Variants in PRTFDC1 observed in about 807,000 individuals in gnomAD.
PRTFDC1 encodes phosphoribosyl transferase domain containing 1.
PRTFDC1 carries 38 observed loss-of-function variants against 34.6 expected under a neutral mutation model. The observed-to-expected ratio is 1.10, with a 90% CI of 0.85 to 1.44. The LOEUF (loss-of-function observed/expected upper bound fraction) is 1.44. PRTFDC1 is among the 40% of genes most tolerant of loss of function. The probability of loss-of-function intolerance (pLI) is 0.00; values close to 1 mark genes in which losing one functional copy is unlikely to be tolerated. For missense variants in PRTFDC1, 270 were observed against 283.0 expected, an observed-to-expected ratio of 0.95 and a Z score of 0.33; for synonymous variants, 93 against 98.1, an observed-to-expected ratio of 0.95 and a Z score of 0.31.
chr10:24,931,943 A>C (rs935305493), intron 3 of PRTFDC1, among the ~76,000 whole-genome samples: 1 of 151,416 alleles, frequency 6.6e-6, no homozygotes, highest in Non-Finnish European at 1.5e-5. Flanking sequence ...CTATGGTTTA[A>C]TATCCTCCAA....
intron 3 of PRTFDC1, 102 bp downstream of exon 3, chr10:24,937,082 A>G: frequency 1.8e-6 from 2 of 1,106,882 alleles, no homozygotes; most frequent in Non-Finnish European, 2.5e-6. Context: ...TTTCATCTCC[A>G]TTTTTAAAAA....
At chr10:24,901,520 T>C (rs1848449663) in intron 3 of PRTFDC1, among the ~76,000 whole-genome samples, 1 of 151,990 alleles carries the variant, frequency 6.6e-6, no homozygotes, top group African/African-American at 2.4e-5. Context: ...AGTCCAGCAG[T>C]GTGAAACCAG....
At chr10:24,894,226 G>A (rs1215327778) in intron 3 of PRTFDC1, among the ~76,000 whole-genome samples, 1 of 151,720 alleles carries the variant, frequency 6.6e-6, no homozygotes, top group African/African-American at 2.4e-5. Context: ...AGCTACTCGG[G>A]AGACTGAGGC....
chr10:24,949,751 T>TA (rs58743711), intron 1 of PRTFDC1, among the ~76,000 whole-genome samples: 12,500 of 139,816 alleles, frequency 0.089, 690 homozygotes, highest in African/African-American at 0.15. Flanking sequence ...TTTTTTTTTT[T>TA]TTTTTAAGAA....
At chr10:24,894,951 G>A (rs1848325580) in intron 3 of PRTFDC1, among the ~76,000 whole-genome samples, 1 of 152,124 alleles carries the variant, frequency 6.6e-6, no homozygotes, top group Non-Finnish European at 1.5e-5. Flanking sequence ...AGGAAACCAG[G>A]TTAAACTCAA....
intron 2 of PRTFDC1, among the ~76,000 whole-genome samples, chr10:24,942,011 C>G (rs950298092): frequency 7.2e-5 from 11 of 152,170 alleles, no homozygotes; most frequent in African/African-American, 1.9e-4. Context: ...CACGGAACGT[C>G]CCCCCTCTGT....
chr10:24,952,161 A>T lies in PRTFDC1; in HGVS notation c.48+367T>A, dbSNP rs1411021472. Among the ~76,000 whole-genome samples, 2 of 152,194 alleles carry T rather than the reference A, an allele frequency of 1.3e-5. No homozygotes were observed. Among genetic ancestry groups the T allele is most frequent in the Non-Finnish European group, 2.9e-5 (2 of 68,036 alleles). ...AGGAGTCAAGAGGAGACCCAGGAAG[A>T]AGGAGGCCTCCAGAGCAGCACGCGG... On this transcript the variant is annotated intron_variant, in intron 1 of 8. Transcript: ENST00000320152. This position sits in a 1 kb window ranked among gnomAD's most constrained non-coding sequence, Gnocchi z 5.1.
At position 24,921,874 on chromosome 10, in the gene PRTFDC1, G is replaced by A. The variant is rs1056319754; in HGVS notation, c.339+15310C>T. On this transcript the variant is annotated intron_variant, in intron 3 of 8. Coordinates refer to ENST00000320152, the MANE Select transcript of PRTFDC1 (RefSeq NM_020200.7). ...CCTGAGTGATTAACAATAATGCTGT[G>A]TTTAATAATGGCAAACTCATGCAAG... Among the ~76,000 whole-genome samples, 7 of 152,264 alleles carry A rather than the reference G, an allele frequency of 4.6e-5. No homozygotes were observed. In the South Asian group the frequency reaches 1.5e-3, roughly 32 times the overall value.
chr10:24,888,232 A>T (rs966501879), intron 3 of PRTFDC1, among the ~76,000 whole-genome samples: 3 of 152,150 alleles, frequency 2.0e-5, no homozygotes, highest in African/African-American at 7.2e-5. Flanking sequence ...CTCCTTAAAG[A>T]TTCCTTAGTA....
At chr10:24,894,054 C>T (rs140017845) in intron 3 of PRTFDC1, among the ~76,000 whole-genome samples, 58 of 152,154 alleles carry the variant, frequency 3.8e-4, no homozygotes, top group African/African-American at 1.2e-3. Flanking sequence ...CTTCATTGGC[C>T]GGGCGCGGTG....
At chr10:24,909,918 A>C (rs1419126371) in intron 3 of PRTFDC1, among the ~76,000 whole-genome samples, 1 of 151,938 alleles carries the variant, frequency 6.6e-6, no homozygotes, top group Non-Finnish European at 1.5e-5. Flanking sequence ...TGGGAGGCCA[A>C]GGCGGGTGGA....
rs149380687 is a variant in PRTFDC1, at chr10:24,947,320, A to G, written c.49-4884T>C. ...TTTGCTAACTTCAATGGTGCATGCA[A>G]ATCGTGTTGTAAATAAATCAAAACC... On this transcript the variant is annotated intron_variant, in intron 1 of 8. Transcript: ENST00000320152. Among the ~76,000 whole-genome samples the G allele has an allele frequency of 9.0e-3, 1,372 of 152,348 alleles. 8 individuals are homozygous for G. The highest frequency in any genetic ancestry group is 0.013 in the Non-Finnish European group (914 of 68,024).
At chr10:24,925,329 G>A (rs911322531) in intron 3 of PRTFDC1, among the ~76,000 whole-genome samples, 6 of 152,076 alleles carry the variant, frequency 3.9e-5, no homozygotes, top group Non-Finnish European at 7.4e-5. Context: ...AGGGGGTGTC[G>A]GGGGCTGGCG....
At chr10:24,872,766 G>GTA (rs1270996264) in intron 3 of PRTFDC1, among the ~76,000 whole-genome samples, 14 of 108,158 alleles carry the variant, frequency 1.3e-4, no homozygotes, top group South Asian at 3.6e-4. Flanking sequence ...ACGTGTGTGT[G>GTA]TATATATATA....
chr10:24,948,985 A>G (rs754345299), intron 1 of PRTFDC1, among the ~76,000 whole-genome samples: 2 of 152,122 alleles, frequency 1.3e-5, no homozygotes, highest in Non-Finnish European at 2.9e-5. Context: ...GACCTGGGTG[A>G]TTTACTTAAT....
At chr10:24,926,877 C>T (rs1159717136) in intron 3 of PRTFDC1, among the ~76,000 whole-genome samples, 1 of 152,202 alleles carries the variant, frequency 6.6e-6, no homozygotes, top group African/African-American at 2.4e-5. Context: ...CCTTCTGCAT[C>T]ATTCTCTTAT....
chr10:24,867,903 A>G (rs1847810526), intron 4 of PRTFDC1: 1 of 151,308 alleles, frequency 6.6e-6, no homozygotes, highest in African/African-American at 2.4e-5. Context: ...TCCAGGGCTC[A>G]AGCAATTCTC....
intron 3 of PRTFDC1, among the ~76,000 whole-genome samples, chr10:24,875,792 T>C (rs548522877): frequency 6.6e-6 from 1 of 151,928 alleles, no homozygotes; most frequent in Admixed American, 6.6e-5. Flanking sequence ...GTCCAATTAA[T>C]TAATCTAACT....
At chr10:24,910,154 C>T (rs552768067) in intron 3 of PRTFDC1, among the ~76,000 whole-genome samples, 2 of 152,220 alleles carry the variant, frequency 1.3e-5, no homozygotes, top group East Asian at 3.9e-4. Flanking sequence ...GAGTGAGACT[C>T]TATCTCAAAA....
Sources: gnomAD v4.1 joint callset for allele counts (sites outside exome capture counted in the v4.1 genomes callset) on GRCh38, gnomAD v4.1.1 for gene constraint, Gnocchi (gnomAD v3.1) non-coding constraint, MANE v1.5 for transcripts, NCBI Gene and HGNC (gene_info 2026-07-23, HGNC 2026-07-21) for gene names.